Variants in IL1RAPL2 observed in about 807,000 individuals in gnomAD.
IL1RAPL2 encodes interleukin 1 receptor accessory protein like 2.
In IL1RAPL2, 3 loss-of-function variants were observed where a neutral mutation model predicts 44.1. That is an observed-to-expected ratio of 0.07 (90% CI 0.03 to 0.18). The LOEUF (loss-of-function observed/expected upper bound fraction) is 0.18, where lower values mean the gene tolerates loss of function less well. Among genes scored for constraint, IL1RAPL2 ranks in the 10% least tolerant of loss-of-function variants. IL1RAPL2 has a pLI of 1.00. For missense variants in IL1RAPL2, 391 were observed against 496.4 expected (o/e 0.79, Z 2.02); for synonymous variants, 181 against 178.8 (o/e 1.01, Z -0.10).
chrX:104,977,985 G>A (rs55764937), intron 2 of IL1RAPL2, among the ~76,000 whole-genome samples: 2,896 of 111,414 alleles, frequency 0.026, 49 homozygotes, highest in Non-Finnish European at 0.041. Flanking sequence ...TGGCACTGGT[G>A]GGCATGTCTT....
chrX:104,981,445 A>T (rs963553639), intron 2 of IL1RAPL2, among the ~76,000 whole-genome samples: 1 of 110,467 alleles, frequency 9.1e-6, no homozygotes, highest in Non-Finnish European at 1.9e-5. Flanking sequence ...GTATCCTGAA[A>T]CTTTGCTGAA....
chrX:104,931,376 TAAAA>T (rs11459071), intron 2 of IL1RAPL2, among the ~76,000 whole-genome samples: 1 of 75,359 alleles, frequency 1.3e-5, no homozygotes. Flanking sequence ...CCACCTCCCC[TAAAA>T]AAAAAAAAAA....
chrX:104,580,035 C>T (rs1928314327), intron 1 of IL1RAPL2, among the ~76,000 whole-genome samples: 1 of 111,564 alleles, frequency 9.0e-6, no homozygotes, highest in Admixed American at 9.5e-5. Context: ...TACTCTTCTG[C>T]CACAGTTTCA....
intron 5 of IL1RAPL2, among the ~76,000 whole-genome samples, chrX:105,326,501 G>A (rs752106993): frequency 2.7e-5 from 3 of 111,477 alleles, no homozygotes; most frequent in South Asian, 7.5e-4. Context: ...ATATTACAAA[G>A]ATTTGCTCCA....
chrX:105,389,115 T>C (rs1446523556), intron 5 of IL1RAPL2, among the ~76,000 whole-genome samples: 2 of 112,070 alleles, frequency 1.8e-5, no homozygotes, highest in Non-Finnish European at 3.8e-5. Flanking sequence ...ATTCCAAATA[T>C]ATCACTTGCT....
chrX:104,941,738 C>T (rs1284675332), intron 2 of IL1RAPL2, among the ~76,000 whole-genome samples: 4 of 111,488 alleles, frequency 3.6e-5, no homozygotes, highest in African/African-American at 6.5e-5. Flanking sequence ...CTTTTGTTGC[C>T]ATTGCTTTTG....
chrX:105,501,137 C>T (rs1394299889), intron 6 of IL1RAPL2, among the ~76,000 whole-genome samples: 1 of 111,500 alleles, frequency 9.0e-6, no homozygotes, highest in African/African-American at 3.3e-5. Flanking sequence ...TATGTGTGCA[C>T]AGTCGTATGT....
At chrX:104,768,313 C>T (rs1249253496) in intron 2 of IL1RAPL2, among the ~76,000 whole-genome samples, 1 of 111,584 alleles carries the variant, frequency 9.0e-6, no homozygotes, top group African/African-American at 3.3e-5. Context: ...CCTGCCTCAA[C>T]CCTTTCCCCC....
chrX:105,045,483 TAGAC>T (rs1338904178), intron 2 of IL1RAPL2, among the ~76,000 whole-genome samples: 2 of 112,065 alleles, frequency 1.8e-5, no homozygotes, highest in Non-Finnish European at 3.8e-5. Flanking sequence ...TATCAGCAGT[TAGAC>T]AGAACAGAGC....
chrX:104,945,416 T>C (rs1264873386), intron 2 of IL1RAPL2, among the ~76,000 whole-genome samples: 1 of 111,221 alleles, frequency 9.0e-6, no homozygotes, highest in African/African-American at 3.3e-5. Flanking sequence ...CCTACATTTT[T>C]GCAAAGGTTT....
intron 2 of IL1RAPL2, among the ~76,000 whole-genome samples, chrX:104,894,854 G>A: frequency 2.7e-5 from 3 of 112,247 alleles, no homozygotes; most frequent in Middle Eastern, 9.2e-3. Flanking sequence ...TGGAGGGGGA[G>A]AGGCACTCTG....
At chrX:104,676,892 C>A (rs182581987) in intron 2 of IL1RAPL2, among the ~76,000 whole-genome samples, 1 of 111,974 alleles carries the variant, frequency 8.9e-6, no homozygotes, top group Non-Finnish European at 1.9e-5. Context: ...TTGATCACAT[C>A]GGCTCTTGAG....
chrX:104,733,865 G>A (rs942087110), intron 2 of IL1RAPL2, among the ~76,000 whole-genome samples: 1 of 110,314 alleles, frequency 9.1e-6, no homozygotes, highest in African/African-American at 3.3e-5. Flanking sequence ...CACAGACTGG[G>A]AGAAATATTG....
At chrX:105,557,226 A>G (rs1466377644) in intron 6 of IL1RAPL2, among the ~76,000 whole-genome samples, 1 of 111,641 alleles carries the variant, frequency 9.0e-6, no homozygotes, top group Non-Finnish European at 1.9e-5. Context: ...CTGCATTTCT[A>G]TTAGTGGTGA....
chrX:105,146,139 T>G (rs1356376457), intron 2 of IL1RAPL2, among the ~76,000 whole-genome samples: 1 of 111,657 alleles, frequency 9.0e-6, no homozygotes, highest in Non-Finnish European at 1.9e-5. Context: ...TTCTATTGTT[T>G]ATAAGCCACT....
chrX:105,727,585 C>CTT (rs1227439656), intron 7 of IL1RAPL2, among the ~76,000 whole-genome samples: 1 of 111,320 alleles, frequency 9.0e-6, no homozygotes. Context: ...AGTTCAACAT[C>CTT]TTTATAAAAA....
chrX:105,311,892 A>C (rs976921145), intron 5 of IL1RAPL2, among the ~76,000 whole-genome samples: 5 of 111,287 alleles, frequency 4.5e-5, no homozygotes, highest in Admixed American at 9.6e-5. Context: ...AGTTGCTGTC[A>C]GTGTATGCAT....
chrX:105,674,473 G>A (rs771321268), intron 6 of IL1RAPL2, among the ~76,000 whole-genome samples: 14 of 111,548 alleles, frequency 1.3e-4, no homozygotes, highest in Admixed American at 3.8e-4. Context: ...AAGATCAGAT[G>A]GTTGTACATG....
At chrX:104,651,288 T>A (rs1234133284) in intron 1 of IL1RAPL2, among the ~76,000 whole-genome samples, 1 of 112,073 alleles carries the variant, frequency 8.9e-6, no homozygotes, top group Admixed American at 9.5e-5. Context: ...CATTAACTAT[T>A]TTATTTCACA....
Sources: gnomAD v4.1 joint callset for allele counts (sites outside exome capture counted in the v4.1 genomes callset) on GRCh38, gnomAD v4.1.1 for gene constraint, MANE v1.5 for transcripts, NCBI Gene and HGNC (gene_info 2026-07-23, HGNC 2026-07-21) for gene names.